The following RHCE variants were observed in gnomAD, a reference collection of about 807,000 sequenced individuals.
RHCE encodes blood group Rh(CE) polypeptide.
Under a neutral mutation model 43.8 loss-of-function variants are expected in RHCE, and 22 were observed. That is an observed-to-expected ratio of 0.50 (90% CI 0.36 to 0.72). The LOEUF is 0.72. RHCE is among the 30% of genes least tolerant of loss of function. The pLI is 0.00. For synonymous variants in RHCE, 156 were observed against 210.7 expected, an observed-to-expected ratio of 0.74 and a Z score of 2.25; for missense variants, 385 against 525.4, an observed-to-expected ratio of 0.73 and a Z score of 2.61.
At chr1:25,374,320 T>G (rs1645719635) in intron 8 of RHCE, among the ~76,000 whole-genome samples, 1 of 151,932 alleles carries the variant, frequency 6.6e-6, no homozygotes, top group African/African-American at 2.4e-5. Context: ...AATCCTGACC[T>G]CAGATGATCT....
At chr1:25,393,346 C>A (rs1452016719) in intron 3 of RHCE, among the ~76,000 whole-genome samples, 2 of 152,100 alleles carry the variant, frequency 1.3e-5, no homozygotes, top group Non-Finnish European at 2.9e-5. Flanking sequence ...TCAGGCCGGG[C>A]GTGGTGGCTC....
At chr1:25,395,723 A>G (rs1830966) in intron 3 of RHCE, among the ~76,000 whole-genome samples, 1 of 152,226 alleles carries the variant, frequency 6.6e-6, no homozygotes, top group Non-Finnish European at 1.5e-5. Context: ...AGTCCATGGT[A>G]ATATAAACAA....
At chr1:25,393,701 A>C (rs1264830519) in intron 3 of RHCE, among the ~76,000 whole-genome samples, 1 of 151,852 alleles carries the variant, frequency 6.6e-6, no homozygotes, top group Non-Finnish European at 1.5e-5. Context: ...TGTCACTCAA[A>C]GTCAAGGTCC....
At chr1:25,427,558 G>A (rs2042814568) in intron 2 of RHCE, among the ~76,000 whole-genome samples, 1 of 152,224 alleles carries the variant, frequency 6.6e-6, no homozygotes. Flanking sequence ...GAGCCAAAAG[G>A]GCTTGTGCTA....
At chr1:25,393,924 GT>G (rs1646459951) in intron 3 of RHCE, among the ~76,000 whole-genome samples, 1 of 152,136 alleles carries the variant, frequency 6.6e-6, no homozygotes, top group African/African-American at 2.4e-5. Context: ...GGGGTGCCTT[GT>G]CTGCAGAGGG....
At chr1:25,428,106 C>A (rs988877646) in intron 2 of RHCE, among the ~76,000 whole-genome samples, 1 of 152,208 alleles carries the variant, frequency 6.6e-6, no homozygotes, top group East Asian at 1.9e-4. Context: ...GCATGAGATG[C>A]CCTGTCAGGG....
intron 7 of RHCE, among the ~76,000 whole-genome samples, chr1:25,384,277 C>T (rs531249565): frequency 6.6e-6 from 1 of 151,866 alleles, no homozygotes; most frequent in East Asian, 1.9e-4. Flanking sequence ...TGGGAGAGCA[C>T]ATGCAAAACT....
At chr1:25,383,069 C>G (rs1449164933) in intron 7 of RHCE, among the ~76,000 whole-genome samples, 1 of 152,178 alleles carries the variant, frequency 6.6e-6, no homozygotes, top group East Asian at 1.9e-4. Flanking sequence ...TTAACAAGAG[C>G]TAGAAGGGTG....
At chr1:25,407,648 G>T (rs1646956186) in intron 2 of RHCE, among the ~76,000 whole-genome samples, 1 of 123,364 alleles carries the variant, frequency 8.1e-6, no homozygotes, top group African/African-American at 2.5e-5. Flanking sequence ...TCAGAGGTTT[G>T]AACAAAACAA....
chr1:25,429,375 G>A (rs192580143), intron 1 of RHCE, among the ~76,000 whole-genome samples: 37 of 151,944 alleles, frequency 2.4e-4, no homozygotes, highest in Admixed American at 4.6e-4. Context: ...GATGGTCTCC[G>A]ATCTCCTGAC....
intron 3 of RHCE, among the ~76,000 whole-genome samples, chr1:25,396,432 T>A (rs28756521): frequency 0.01 from 1,555 of 152,316 alleles, 24 homozygotes; most frequent in African/African-American, 0.036. Context: ...GAATGTCCCC[T>A]TGTTTTAGGA....
At chr1:25,427,535 T>C (rs2042814275) in intron 2 of RHCE, among the ~76,000 whole-genome samples, 1 of 152,210 alleles carries the variant, frequency 6.6e-6, no homozygotes, top group Non-Finnish European at 1.5e-5. Context: ...GGAAAAAGGC[T>C]GGCACTTGGC....
At chr1:25,403,664 A>C (rs572312674) in intron 2 of RHCE, among the ~76,000 whole-genome samples, 1 of 151,740 alleles carries the variant, frequency 6.6e-6, no homozygotes, top group East Asian at 1.9e-4. Flanking sequence ...TGCTGACTGG[A>C]CTTATCAGGG....
upstream of RHCE, among the ~76,000 whole-genome samples, chr1:25,421,811 T>C (rs1184089143): frequency 1.3e-5 from 2 of 152,024 alleles, no homozygotes; most frequent in Non-Finnish European, 1.5e-5. Context: ...AAGGAAGGAA[T>C]TGGAGTTTCC....
chr1:25,373,243 C>A (rs1244111475), intron 8 of RHCE, among the ~76,000 whole-genome samples: 6 of 151,680 alleles, frequency 4.0e-5, no homozygotes, highest in Non-Finnish European at 5.9e-5. Context: ...CCCCCGGGTA[C>A]TTTGCAAGAC....
At position 25,386,842 on chromosome 1, in the gene RHCE, AACACACACAC is replaced by A. The variant is rs3079633; in HGVS notation, c.940-1008_940-999del. Among the ~76,000 whole-genome samples the A allele has an allele frequency of 1.7e-4, 23 of 138,890 alleles. No homozygotes were observed. The East Asian group carries it at 2.2e-3, about 13-fold the overall frequency. The allele number at this position is 138,890 out of a possible 152,430, so 91.1% of individuals were successfully genotyped here. A position where few individuals can be genotyped will look rare whatever the true frequency, so the allele number is the denominator to read the frequency against. ...GTCTCAACAACAACAACAACAACAA[AACACACACAC>A]ACACACACACACACACACACACACA... is the stretch of plus-strand genomic sequence containing the variant. On this transcript the variant is annotated intron_variant, in intron 6 of 9. Coordinates refer to ENST00000294413, the MANE Select transcript of RHCE (RefSeq NM_020485.8).
At chr1:25,392,778 T>C in intron 3 of RHCE, among the ~76,000 whole-genome samples, 1 of 151,240 alleles carries the variant, frequency 6.6e-6, no homozygotes, top group Non-Finnish European at 1.5e-5. Flanking sequence ...ACTATGTTGC[T>C]CAGGCTGGTC....
At chr1:25,418,902 A>T (rs573433859) in intron 1 of RHCE, among the ~76,000 whole-genome samples, 2 of 152,320 alleles carry the variant, frequency 1.3e-5, no homozygotes, top group South Asian at 2.1e-4. Context: ...GGGGTAAAGA[A>T]CATGGACCCT....
intron 1 of RHCE, among the ~76,000 whole-genome samples, chr1:25,414,978 T>G (rs1647270828): frequency 6.6e-6 from 1 of 152,092 alleles, no homozygotes; most frequent in Non-Finnish European, 1.5e-5. Flanking sequence ...TAATTGATAC[T>G]CTCTGCTTCC....
Sources: allele counts gnomAD v4.1 joint callset (sites outside exome capture counted in the v4.1 genomes callset), GRCh38; gene constraint gnomAD v4.1.1; transcripts MANE v1.5; gene names NCBI Gene and HGNC (gene_info 2026-07-23, HGNC 2026-07-21).